Variants in CAPN14 observed in about 807,000 individuals in gnomAD.
CAPN14 encodes the protein calpain 14.
CAPN14 carries 94 observed loss-of-function variants against 101.3 expected under a neutral mutation model. The observed-to-expected ratio is 0.93, with a 90% CI of 0.79 to 1.10. The LOEUF (loss-of-function observed/expected upper bound fraction) is 1.10. Ranked by LOEUF, CAPN14 falls within the 50% of genes least tolerant of loss-of-function variation. The pLI is 0.00. For missense variants in CAPN14, 837 were observed against 828.4 expected (o/e 1.01, Z -0.13); for synonymous variants, 338 against 317.9 (o/e 1.06, Z -0.67).
intron 6 of CAPN14, 134 bp downstream of exon 6, chr2:31,200,317 T>C: frequency 1.3e-6 from 1 of 775,788 alleles, no homozygotes; most frequent in South Asian, 2.1e-5. Flanking sequence ...GCTGCTCTGG[T>C]TTGAACACCA....
chr2:31,175,894 C>T (rs1038864121), intron 21 of CAPN14, among the ~76,000 whole-genome samples: 1 of 152,232 alleles, frequency 6.6e-6, no homozygotes, highest in African/African-American at 2.4e-5. Flanking sequence ...CTACACCTGG[C>T]ACCTAAGCAG....
intron 16 of CAPN14, among the ~76,000 whole-genome samples, chr2:31,184,169 C>G (rs1214812292): frequency 1.3e-5 from 2 of 152,168 alleles, no homozygotes; most frequent in African/African-American, 2.4e-5. Context: ...AGGAGTGAGC[C>G]ACCGCGCCCG....
chr2:31,188,358 A>T lies in CAPN14; in HGVS notation c.1494-4T>A. The T allele has an allele frequency of 1.3e-6, 2 of 1,551,602 alleles. No individual in the cohort carries two copies. Among genetic ancestry groups the T allele is most frequent in the Non-Finnish European group, 1.7e-6 (2 of 1,146,920 alleles). On this transcript the variant is annotated splice_polypyrimidine_tract_variant and splice_region_variant and intron_variant, in intron 13 of 21. Transcript: ENST00000403897. ...ACCAGAATTGCTGCCAATTTCACTGAGAACAAACAAACAAGAACAAACTCA... is the reference window on the plus strand; with the variant it reads ...ACCAGAATTGCTGCCAATTTCACTGTGAACAAACAAACAAGAACAAACTCA...
At chr2:31,176,747 G>A (rs940509834) in intron 20 of CAPN14, 105 bp from the exon 21 acceptor site, 16 of 1,076,994 alleles carry the variant, frequency 1.5e-5, no homozygotes, top group Admixed American at 1.2e-4. Context: ...TTCTGAAAAC[G>A]TGAGGGAACC....
chr2:31,174,572 G>A lies in CAPN14; in HGVS notation c.*109C>T, dbSNP rs1680201189. 2.6e-6 allele frequency: 3 copies of A among 1,174,292 alleles called. No individual in the cohort carries two copies. The highest frequency in any genetic ancestry group is 2.5e-6 in the Non-Finnish European group (2 of 811,042). 72.7% of individuals were successfully genotyped at this position (1,174,292 alleles called of 1,614,324 possible). A position where few individuals can be genotyped will look rare whatever the true frequency, so the allele number is the denominator to read the frequency against. Reference sequence around the variant, plus strand: ...CAGCTGAGAAGGTGACGGCTAGTGAGGCTGTCCTGAAGATCAGTAAGTAGG... The same window carrying A: ...CAGCTGAGAAGGTGACGGCTAGTGAAGCTGTCCTGAAGATCAGTAAGTAGG... On this transcript the variant is annotated 3_prime_UTR_variant, in exon 22 of 22. Transcript: ENST00000403897.
intron 16 of CAPN14, 29 bp from the exon 17 acceptor site, chr2:31,181,029 G>A (rs1680567144): frequency 6.5e-7 from 1 of 1,547,442 alleles, no homozygotes; most frequent in Admixed American, 2.0e-5. Context: ...GTCCACATGG[G>A]GGCTGGCCCC....
chr2:31,221,350 G>C (rs1682857826), upstream of CAPN14, among the ~76,000 whole-genome samples: 2 of 152,196 alleles, frequency 1.3e-5, no homozygotes, highest in Admixed American at 1.3e-4. Flanking sequence ...AGGGAGGCAA[G>C]GCAGGTACAG....
At chr2:31,203,732 C>T (rs1398055120) in intron 2 of CAPN14, among the ~76,000 whole-genome samples, 1 of 152,096 alleles carries the variant, frequency 6.6e-6, no homozygotes, top group Non-Finnish European at 1.5e-5. Context: ...TTAGGAGGCT[C>T]ACTGCAGAAT....
intron 16 of CAPN14, among the ~76,000 whole-genome samples, chr2:31,186,112 T>C (rs1572397349): frequency 6.6e-6 from 1 of 152,342 alleles, no homozygotes; most frequent in Non-Finnish European, 1.5e-5. Context: ...GTGCAGTTCT[T>C]CCACATGGAA....
intron 7 of CAPN14, 101 bp downstream of exon 7, chr2:31,199,369 C>G: frequency 2.0e-6 from 2 of 1,024,614 alleles, no homozygotes; most frequent in Non-Finnish European, 3.0e-6. Context: ...ACTTTACCCA[C>G]TCTCCAGATG....
At chr2:31,206,708 G>A (rs183937592) in intron 1 of CAPN14, among the ~76,000 whole-genome samples, 1 of 152,282 alleles carries the variant, frequency 6.6e-6, no homozygotes, top group African/African-American at 2.4e-5. Flanking sequence ...AATCCATTTT[G>A]ATAACCCAGC....
chr2:31,192,236 T>G (rs1444319782), intron 10 of CAPN14, 138 bp from the exon 11 acceptor site: 4 of 1,018,942 alleles, frequency 3.9e-6, no homozygotes, highest in Non-Finnish European at 4.1e-6. Context: ...AGAGTCGGGG[T>G]CCCTTCAACC....
chr2:31,186,424 T>C lies in CAPN14; in HGVS notation c.1645+4A>G, dbSNP rs1396833173. On this transcript the variant is annotated splice_donor_region_variant and intron_variant, in intron 16 of 21. Transcript: ENST00000403897. ...GTCCTACAGAATGGCTCTAAAACAC[T>C]TACTTGACCAGGTCATCTGGTTCAG... The C allele has an allele frequency of 6.5e-7, 1 of 1,547,928 alleles. No individual in the cohort carries two copies. The highest frequency in any genetic ancestry group is 8.7e-7 in the Non-Finnish European group (1 of 1,145,230).
chr2:31,194,087 A>G (rs1681350000), intron 9 of CAPN14, among the ~76,000 whole-genome samples: 3 of 152,320 alleles, frequency 2.0e-5, no homozygotes, highest in Middle Eastern at 6.8e-3. Context: ...TTCCTACCTC[A>G]TGGCCTTTTC....
chr2:31,232,669 C>T (rs916681803), intron 1 of CAPN14, among the ~76,000 whole-genome samples: 5 of 152,186 alleles, frequency 3.3e-5, no homozygotes, highest in African/African-American at 1.2e-4. Flanking sequence ...AACTCACTCA[C>T]TATCATGAGA....
At chr2:31,207,611 A>T (rs1682167782) in intron 1 of CAPN14, among the ~76,000 whole-genome samples, 1 of 152,102 alleles carries the variant, frequency 6.6e-6, no homozygotes. Context: ...ACATAAAAAT[A>T]CAAAAATTAG....
upstream of CAPN14, among the ~76,000 whole-genome samples, chr2:31,218,712 C>T (rs576992717): frequency 6.6e-6 from 1 of 152,286 alleles, no homozygotes; most frequent in Non-Finnish European, 1.5e-5. Flanking sequence ...GGCAACTCGC[C>T]CAAGATAACC....
chr2:31,224,497 T>C (rs1303124443), intron 2 of CAPN14, among the ~76,000 whole-genome samples: 4 of 152,102 alleles, frequency 2.6e-5, no homozygotes, highest in African/African-American at 7.2e-5. Flanking sequence ...CAGGATATCA[T>C]TGAAATCATG....
chr2:31,228,810 G>A (rs569600375), intron 1 of CAPN14, among the ~76,000 whole-genome samples: 22 of 152,224 alleles, frequency 1.4e-4, no homozygotes, highest in Admixed American at 1.4e-3. Context: ...GGGTGCTAAG[G>A]CTTGAGAGTG....
Sources: gnomAD v4.1 joint callset for allele counts (sites outside exome capture counted in the v4.1 genomes callset) on GRCh38, gnomAD v4.1.1 for gene constraint, MANE v1.5 for transcripts, NCBI Gene and HGNC (gene_info 2026-07-23, HGNC 2026-07-21) for gene names.